NPSR1: variants seen among roughly 807,000 people sequenced by gnomAD.
NPSR1 encodes neuropeptide S receptor 1.
Under a neutral mutation model 46.9 loss-of-function variants are expected in NPSR1, and 48 were observed. That is an observed-to-expected ratio of 1.02 (90% confidence interval 0.81 to 1.30). The LOEUF is 1.30. Ranked by LOEUF, NPSR1 falls within the 50% of genes most tolerant of loss-of-function variation. The pLI is 0.00. For missense variants in NPSR1, 450 were observed against 449.5 expected (o/e 1.00, Z -0.01); for synonymous variants, 176 against 168.1 (o/e 1.05, Z -0.36).
In NPSR1 at chr7:34,736,550, A is replaced by G. The variant is rs188733598; in HGVS notation, c.281-41912A>G. Among the ~76,000 whole-genome samples the G allele has an allele frequency of 7.2e-3, 1,091 of 152,180 alleles. 8 individuals carry two copies. Among genetic ancestry groups the G allele is most frequent in the Non-Finnish European group, 0.011 (730 of 68,000 alleles). On this transcript the variant is annotated intron_variant, in intron 2 of 8. Transcript: ENST00000360581. ...AAGCTGGAAACAAACACACACATGCACACACACACCCTACCTACTCTCCTT... is the reference window on the plus strand; with the variant it reads ...AAGCTGGAAACAAACACACACATGCGCACACACACCCTACCTACTCTCCTT...
At chr7:34,662,693 ATAT>A (rs1791516471) in intron 1 of NPSR1, among the ~76,000 whole-genome samples, 2 of 152,308 alleles carry the variant, frequency 1.3e-5, no homozygotes, top group African/African-American at 4.8e-5. Flanking sequence ...ATTATTAAAC[ATAT>A]TATTCCTTCC....
At chr7:34,671,629 T>G (rs1487216151) in intron 1 of NPSR1, among the ~76,000 whole-genome samples, 3 of 152,160 alleles carry the variant, frequency 2.0e-5, no homozygotes, top group Non-Finnish European at 4.4e-5. Flanking sequence ...GCCTTTTACA[T>G]TTTGCTACCC....
chr7:34,666,535 C>A (rs1210710356), intron 1 of NPSR1, among the ~76,000 whole-genome samples: 1 of 152,084 alleles, frequency 6.6e-6, no homozygotes, highest in East Asian at 1.9e-4. Flanking sequence ...CCGCAGCAGC[C>A]ATTTTGTGAC....
chr7:34,770,887 C>T (rs955188325), intron 2 of NPSR1, among the ~76,000 whole-genome samples: 4 of 152,162 alleles, frequency 2.6e-5, no homozygotes, highest in African/African-American at 9.7e-5. Flanking sequence ...GCCTTGCATG[C>T]TGCCTAGATC....
chr7:34,811,716 G>T, intron 3 of NPSR1, 54 bp from the exon 4 acceptor site: 1 of 1,243,830 alleles, frequency 8.0e-7, no homozygotes, highest in South Asian at 1.3e-5. Flanking sequence ...TTTCCATTAT[G>T]TGCCTTCCCT....
Position 34,658,282 on chromosome 7 carries a change from G to C in NPSR1, c.-131G>C. The C allele has an allele frequency of 6.6e-6, 6 of 914,040 alleles. No individual in the cohort carries two copies. The South Asian group carries it at 9.9e-5, about 15-fold the overall frequency. 56.6% of individuals were successfully genotyped at this position (914,040 alleles called of 1,614,324 possible). A position where few individuals can be genotyped will look rare whatever the true frequency, so the allele number is the denominator to read the frequency against. ...GTCATCAGGCAGAGCTCTTCAGTGAGGTGGGCTCAGGGAGGGCTCTGTGCC... is the reference window on the plus strand; with the variant it reads ...GTCATCAGGCAGAGCTCTTCAGTGACGTGGGCTCAGGGAGGGCTCTGTGCC... On this transcript the variant is annotated 5_prime_UTR_variant, in exon 1 of 9. Coordinates refer to ENST00000360581, the MANE Select transcript of NPSR1 (RefSeq NM_207172.2).
intron 2 of NPSR1, among the ~76,000 whole-genome samples, chr7:34,688,241 A>G (rs1264015644): frequency 6.6e-6 from 1 of 152,204 alleles, no homozygotes; most frequent in Non-Finnish European, 1.5e-5. Context: ...TTATCCCATC[A>G]TCAAATTAAC....
intron 3 of NPSR1, among the ~76,000 whole-genome samples, chr7:34,809,331 C>T (rs974991109): frequency 6.6e-6 from 1 of 151,752 alleles, no homozygotes. Context: ...TTCAGAGGAG[C>T]CTTCAATTTC....
intron 8 of NPSR1, among the ~76,000 whole-genome samples, chr7:34,856,828 AT>A (rs972773618): frequency 1.3e-5 from 2 of 151,602 alleles, no homozygotes; most frequent in African/African-American, 4.9e-5. Flanking sequence ...AAACTTCATG[AT>A]TGAGAGGCAG....
intron 1 of NPSR1, among the ~76,000 whole-genome samples, chr7:34,671,776 T>C (rs1038655702): frequency 1.3e-5 from 2 of 152,212 alleles, no homozygotes; most frequent in Admixed American, 6.5e-5. Flanking sequence ...TTCAAATCCA[T>C]TCCCTGGTCC....
At chr7:34,707,255 T>C (rs755805524) in intron 2 of NPSR1, among the ~76,000 whole-genome samples, 13 of 152,202 alleles carry the variant, frequency 8.5e-5, no homozygotes, top group Non-Finnish European at 1.8e-4. Flanking sequence ...GTCCTTTGAT[T>C]CTAATTAGAA....
chr7:34,763,772 AT>A (rs1421284628), intron 2 of NPSR1, among the ~76,000 whole-genome samples: 1 of 152,196 alleles, frequency 6.6e-6, no homozygotes, highest in Admixed American at 6.5e-5. Context: ...TCTCAACTGC[AT>A]CTTCTTCACT....
intron 2 of NPSR1, among the ~76,000 whole-genome samples, chr7:34,689,619 A>AAAAAG (rs1562653637): frequency 1.1e-4 from 16 of 145,576 alleles, no homozygotes; most frequent in Non-Finnish European, 2.2e-4. Context: ...AAAAAAAAAA[A>AAAAAG]AAAAAAAAAA....
At chr7:34,775,310 T>C (rs1583993018) in intron 2 of NPSR1, among the ~76,000 whole-genome samples, 1 of 152,192 alleles carries the variant, frequency 6.6e-6, no homozygotes, top group Non-Finnish European at 1.5e-5. Context: ...ATTTTTTGGA[T>C]GTGTCTTTGT....
chr7:34,690,839 G>A (rs760323419), intron 2 of NPSR1, among the ~76,000 whole-genome samples: 1 of 152,024 alleles, frequency 6.6e-6, no homozygotes, highest in Non-Finnish European at 1.5e-5. Context: ...TTTGGTTTTG[G>A]GAGAGATTTA....
At chr7:34,704,948 G>A (rs984377040) in intron 2 of NPSR1, among the ~76,000 whole-genome samples, 1 of 152,144 alleles carries the variant, frequency 6.6e-6, no homozygotes, top group African/African-American at 2.4e-5. Context: ...GCAGGTTGTG[G>A]ATAAGAGTTC....
At chr7:34,768,572 G>A (rs1404963025) in intron 2 of NPSR1, 1 of 152,160 alleles carries the variant, frequency 6.6e-6, no homozygotes, top group Admixed American at 6.6e-5. Context: ...AAATTTAAAT[G>A]TCTGATAACA....
At chr7:34,726,859 G>T (rs1192272017) in intron 2 of NPSR1, among the ~76,000 whole-genome samples, 1 of 151,892 alleles carries the variant, frequency 6.6e-6, no homozygotes, top group East Asian at 1.9e-4. Flanking sequence ...AGGGATTAGG[G>T]AGGGGGAGGG....
chr7:34,865,727 A>T (rs1430892841), intron 8 of NPSR1, among the ~76,000 whole-genome samples: 2 of 151,756 alleles, frequency 1.3e-5, no homozygotes, highest in African/African-American at 4.9e-5. Flanking sequence ...TGACTAGCCC[A>T]TGAATGCCAG....
Sources: gnomAD v4.1 joint callset for allele counts (sites outside exome capture counted in the v4.1 genomes callset) on GRCh38, gnomAD v4.1.1 for gene constraint, MANE v1.5 for transcripts, NCBI Gene and HGNC (gene_info 2026-07-23, HGNC 2026-07-21) for gene names.